Variants in THRB observed in about 807,000 individuals in gnomAD.
THRB encodes the protein thyroid hormone receptor beta.
In THRB, 12 loss-of-function variants were observed where a neutral mutation model predicts 47.8. That is an observed-to-expected ratio of 0.25 (90% CI 0.16 to 0.41). THRB has a LOEUF of 0.41. Ranked by LOEUF, THRB falls within the 10% of genes least tolerant of loss-of-function variation. THRB has a pLI of 1.00. For missense variants in THRB, 348 were observed against 589.2 expected (o/e 0.59, Z 4.24); for synonymous variants, 218 against 212.2 (o/e 1.03, Z -0.24).
intron 5 of THRB, among the ~76,000 whole-genome samples, chr3:24,157,867 A>G (rs2038110979): frequency 6.6e-6 from 1 of 152,222 alleles, no homozygotes; most frequent in African/African-American, 2.4e-5. Context: ...TGGGCATAGT[A>G]TAGTTTAATG....
At chr3:24,431,585 T>C (rs2070428806) in intron 1 of THRB, among the ~76,000 whole-genome samples, 1 of 152,026 alleles carries the variant, frequency 6.6e-6, no homozygotes, top group Non-Finnish European at 1.5e-5. Context: ...TACATTTGAG[T>C]TACCTAATAA....
intron 5 of THRB, among the ~76,000 whole-genome samples, chr3:24,170,488 C>G (rs2040286707): frequency 6.6e-6 from 1 of 152,164 alleles, no homozygotes; most frequent in Non-Finnish European, 1.5e-5. Context: ...TGGCTTTGTA[C>G]TGTATTTAGA....
intron 1 of THRB, among the ~76,000 whole-genome samples, chr3:24,396,689 T>C (rs2066989856): frequency 1.3e-5 from 2 of 152,150 alleles, no homozygotes; most frequent in Admixed American, 1.3e-4. Flanking sequence ...CCATGGCTCT[T>C]TCTTTGAAAT....
intron 1 of THRB, among the ~76,000 whole-genome samples, chr3:24,345,095 A>T (rs1404569564): frequency 6.6e-6 from 1 of 152,124 alleles, no homozygotes; most frequent in Non-Finnish European, 1.5e-5. Flanking sequence ...CAGAGATCAA[A>T]TCCTCACTTT....
chr3:24,351,823 A>G (rs948110709), intron 1 of THRB, among the ~76,000 whole-genome samples: 3 of 152,188 alleles, frequency 2.0e-5, no homozygotes, highest in African/African-American at 7.2e-5. Flanking sequence ...ACATGAGAGC[A>G]GATGGTGACC....
intron 4 of THRB, among the ~76,000 whole-genome samples, chr3:24,195,551 G>T (rs909354435): frequency 1.3e-5 from 2 of 152,226 alleles, no homozygotes; most frequent in African/African-American, 4.8e-5. Flanking sequence ...AGCAGCCAGA[G>T]TGAGCATTTA....
intron 3 of THRB, among the ~76,000 whole-genome samples, chr3:24,256,429 A>G (rs1576347491): frequency 6.6e-6 from 1 of 152,196 alleles, no homozygotes; most frequent in East Asian, 1.9e-4. Context: ...AGAGGAGAAT[A>G]AATAATTGTG....
intron 3 of THRB, among the ~76,000 whole-genome samples, chr3:24,237,614 C>T (rs1435200548): frequency 6.6e-6 from 1 of 152,132 alleles, no homozygotes; most frequent in Non-Finnish European, 1.5e-5. Context: ...GAGCATTGGC[C>T]TTGCCACTTA....
At chr3:24,437,556 T>C (rs1355218130) in intron 1 of THRB, among the ~76,000 whole-genome samples, 2 of 152,142 alleles carry the variant, frequency 1.3e-5, no homozygotes, top group African/African-American at 2.4e-5. Flanking sequence ...AGAAAAAATG[T>C]CTGTAGCAAT....
chr3:24,389,616 A>G (rs577431756), intron 1 of THRB, among the ~76,000 whole-genome samples: 1 of 152,254 alleles, frequency 6.6e-6, no homozygotes, highest in Middle Eastern at 3.4e-3. Context: ...CTCTAATGGA[A>G]TGCAAAATGT....
intron 10 of THRB, among the ~76,000 whole-genome samples, chr3:24,126,998 G>C (rs543792832): frequency 2.6e-5 from 4 of 152,344 alleles, no homozygotes; most frequent in African/African-American, 9.6e-5. Context: ...TGATGTCCCA[G>C]CTGAACTCCA....
In THRB at chr3:24,190,241, C is replaced by T; in HGVS notation, c.116G>A (p.Arg39Lys). 3.7e-6 allele frequency: 6 copies of T among 1,614,012 alleles called. No homozygotes were observed. The highest frequency in any genetic ancestry group is 5.1e-6 in the Non-Finnish European group (6 of 1,179,960). ...LVGMSEACLH[R>K]KSHSERRSTL... is the part of the protein sequence containing the mutation. ...GCTGCGCCTCTCTGAATGGCTCTTC[C>T]TATGTAGGCAGGCTTCAGACATTCC... is the stretch of plus-strand genomic sequence containing the variant. The change falls in exon 5 of 11, where the codon AGG (arginine) becomes AAG (lysine). Residue 39 changes from arginine (R) to lysine (K), a missense_variant. Coordinates refer to ENST00000646209, the MANE Select transcript of THRB (RefSeq NM_001354712.2).
At chr3:24,139,762 A>G (rs2035198521) in intron 8 of THRB, among the ~76,000 whole-genome samples, 1 of 152,210 alleles carries the variant, frequency 6.6e-6, no homozygotes, top group Non-Finnish European at 1.5e-5. Flanking sequence ...CTATGTCAGT[A>G]GCTCCTTTTA....
At chr3:24,292,258 G>A (rs984313850) in intron 3 of THRB, among the ~76,000 whole-genome samples, 5 of 151,928 alleles carry the variant, frequency 3.3e-5, no homozygotes, top group African/African-American at 1.2e-4. Flanking sequence ...GATAGGGAGG[G>A]GGCCTTCTAC....
chr3:24,253,284 G>A (rs1411776377), intron 3 of THRB, among the ~76,000 whole-genome samples: 2 of 152,132 alleles, frequency 1.3e-5, no homozygotes, highest in African/African-American at 4.8e-5. Context: ...TGCAACTCTA[G>A]AGCAAAGGTT....
At chr3:24,387,180 C>T (rs1441610065) in intron 1 of THRB, among the ~76,000 whole-genome samples, 4 of 152,136 alleles carry the variant, frequency 2.6e-5, no homozygotes, top group Non-Finnish European at 5.9e-5. Flanking sequence ...CACAAAACCA[C>T]ATCTTAATCA....
At chr3:24,327,525 T>C (rs1375175596) in intron 2 of THRB, among the ~76,000 whole-genome samples, 3 of 152,244 alleles carry the variant, frequency 2.0e-5, no homozygotes, top group Non-Finnish European at 2.9e-5. Context: ...ACTTAACCAA[T>C]AGATACTAAG....
chr3:24,456,009 A>C (rs1168477840), intron 1 of THRB, among the ~76,000 whole-genome samples: 2 of 152,220 alleles, frequency 1.3e-5, no homozygotes, highest in African/African-American at 4.8e-5. Context: ...GAAAGCACAT[A>C]GTCCTTTTAG....
intron 1 of THRB, among the ~76,000 whole-genome samples, chr3:24,376,131 T>C (rs1298192548): frequency 6.6e-6 from 1 of 152,020 alleles, no homozygotes; most frequent in African/African-American, 2.4e-5. Flanking sequence ...TGCAGTATAT[T>C]GAAAAAAAAG....
Sources: allele counts gnomAD v4.1 joint callset (sites outside exome capture counted in the v4.1 genomes callset), GRCh38; gene constraint gnomAD v4.1.1; transcripts MANE v1.5; gene names NCBI Gene and HGNC (gene_info 2026-07-23, HGNC 2026-07-21).